Variants in ZNF577 observed in about 807,000 individuals in gnomAD.
The protein encoded by ZNF577 is zinc finger protein 577.
In ZNF577, 14 loss-of-function variants were observed where a neutral mutation model predicts 13.9. The observed-to-expected ratio is 1.00, with a 90% CI of 0.66 to 1.57. ZNF577 has a LOEUF of 1.57. Among genes scored for constraint, ZNF577 ranks in the 40% most tolerant of loss-of-function variants. The pLI is 0.00. For synonymous variants in ZNF577, 203 were observed against 202.9 expected (o/e 1.00, Z 0.00); for missense variants, 555 against 579.2 (o/e 0.96, Z 0.43).
At chr19:51,861,939 A>G (rs998954655) in intron 5 of ZNF577, 1 of 152,066 alleles carries the variant, frequency 6.6e-6, no homozygotes, top group Non-Finnish European at 1.5e-5. Context: ...GTTGACTTAC[A>G]GGACAAAACC....
At chr19:51,813,833 C>T (rs1318492245) in intron 9 of ZNF577, among the ~76,000 whole-genome samples, 2 of 152,054 alleles carry the variant, frequency 1.3e-5, no homozygotes, top group South Asian at 2.1e-4. Context: ...CGCAGCTGGC[C>T]GATGTTTTCC....
At chr19:51,857,962 C>T (rs925157979) in intron 5 of ZNF577, among the ~76,000 whole-genome samples, 3 of 151,992 alleles carry the variant, frequency 2.0e-5, no homozygotes, top group Non-Finnish European at 2.9e-5. Context: ...ATTACAGGTG[C>T]GGGCCATTGT....
intron 5 of ZNF577, among the ~76,000 whole-genome samples, chr19:51,854,817 A>T (rs367707002): frequency 6.6e-6 from 1 of 151,876 alleles, no homozygotes; most frequent in African/African-American, 2.4e-5. Flanking sequence ...GAGTCTGTTC[A>T]CTTTATGTTT....
chr19:51,883,692 T>C (rs372691890), intron 1 of ZNF577, among the ~76,000 whole-genome samples: 1 of 152,134 alleles, frequency 6.6e-6, no homozygotes, highest in East Asian at 1.9e-4. Context: ...ACCCACATCA[T>C]TTGGATCATG....
chr19:51,873,014 A>T lies in ZNF577; in HGVS notation c.976T>A (p.Tyr326Asn), dbSNP rs1002863552. The change falls in exon 6 of 6, where the codon TAT becomes AAT. Residue 326 changes from tyrosine (Y) to asparagine (N), a missense_variant. Transcript: ENST00000638348. ...GCTTTTTCACACTCACTACATTCAT[A>T]AGGTTTCTCTCCCGTATGAATCCTC... ...HQRIHTGEKPYECSECEKAFR... is the reference protein window; with the variant it reads ...HQRIHTGEKPNECSECEKAFR... 2 of 1,614,034 alleles carry T rather than the reference A, an allele frequency of 1.2e-6. No homozygotes were observed. The highest frequency in any genetic ancestry group is 2.7e-5 in the African/African-American group (2 of 74,928).
At chr19:51,806,060 C>T (rs2122425620) in intron 10 of ZNF577, among the ~76,000 whole-genome samples, 1 of 152,130 alleles carries the variant, frequency 6.6e-6, no homozygotes, top group Non-Finnish European at 1.5e-5. Flanking sequence ...TCTGAGCTGC[C>T]AAAAAGACAT....
chr19:51,834,160 A>C (rs1263155765), intron 9 of ZNF577, among the ~76,000 whole-genome samples: 1 of 152,064 alleles, frequency 6.6e-6, no homozygotes, highest in African/African-American at 2.4e-5. Context: ...GCACAATCAT[A>C]GCTCACTGCA....
chr19:51,825,141 G>T, intron 9 of ZNF577: 1 of 250,816 alleles, frequency 4.0e-6, no homozygotes, highest in African/African-American at 2.3e-5. Flanking sequence ...TTCAATCAGG[G>T]TTCCCACTAC....
chr19:51,807,109 G>T (rs917862015), intron 10 of ZNF577, among the ~76,000 whole-genome samples: 5 of 152,198 alleles, frequency 3.3e-5, no homozygotes, highest in Non-Finnish European at 7.3e-5. Flanking sequence ...AGAGATAAAA[G>T]AGTATATTTG....
intron 10 of ZNF577, among the ~76,000 whole-genome samples, chr19:51,807,729 T>C (rs376868710): frequency 6.6e-6 from 1 of 152,092 alleles, no homozygotes; most frequent in African/African-American, 2.4e-5. Context: ...TGTCTGAGAG[T>C]AGTGGTTATC....
intron 9 of ZNF577, among the ~76,000 whole-genome samples, chr19:51,820,107 A>G (rs1157952505): frequency 3.3e-5 from 5 of 152,208 alleles, no homozygotes; most frequent in Non-Finnish European, 7.3e-5. Context: ...CAAGGCCATC[A>G]GCTGAGAGTG....
intron 9 of ZNF577, among the ~76,000 whole-genome samples, chr19:51,821,794 C>A (rs1292204909): frequency 6.6e-6 from 1 of 151,348 alleles, no homozygotes; most frequent in Non-Finnish European, 1.5e-5. Flanking sequence ...AAAAAACCTA[C>A]AAAAACCCCA....
intron 9 of ZNF577, among the ~76,000 whole-genome samples, chr19:51,836,852 T>G (rs1256558232): frequency 1.3e-5 from 2 of 152,012 alleles, no homozygotes; most frequent in Non-Finnish European, 2.9e-5. Context: ...AAGACCAGCA[T>G]AGGCAACATG....
chr19:51,873,906 C>T (rs567722943), intron 5 of ZNF577, among the ~76,000 whole-genome samples, 200 bp from the exon 6 acceptor site: 50 of 152,236 alleles, frequency 3.3e-4, no homozygotes, highest in Non-Finnish European at 6.6e-4. Context: ...GGAAAAAGCA[C>T]AATATGAACA....
At chr19:51,880,008 G>C (rs2084835606) in intron 3 of ZNF577, among the ~76,000 whole-genome samples, 1 of 152,180 alleles carries the variant, frequency 6.6e-6, no homozygotes, top group Admixed American at 6.5e-5. Flanking sequence ...ATCTGGATGA[G>C]AGAATTCTTC....
chr19:51,872,722 G>A lies in ZNF577; in HGVS notation c.1268C>T (p.Pro423Leu), dbSNP rs376895478. Residue 423 changes from proline (P) to leucine (L), a missense_variant, in exon 6 of 6, where the codon CCG (proline) becomes CTG (leucine). By Grantham distance (98) the Pro-to-Leu change is moderately conservative. Transcript: ENST00000638348. ...VPIEMPSSGTPPLLNKSERLV... is the reference protein window; with the variant it reads ...VPIEMPSSGTLPLLNKSERLV... ...GCGCTCACTCTTGTTTAACAATGGC[G>A]GGGTTCCTGAGGAAGGCATTTCTAT... The A allele has an allele frequency of 6.8e-5, 110 of 1,614,158 alleles. No homozygotes were observed. Among genetic ancestry groups the A allele is most frequent in the Middle Eastern group, 1.7e-4 (1 of 6,060 alleles).
At chr19:51,874,482 T>G (rs1048211992) in intron 5 of ZNF577, among the ~76,000 whole-genome samples, 1 of 135,662 alleles carries the variant, frequency 7.4e-6, no homozygotes, top group African/African-American at 3.1e-5. Context: ...AAAACTTAGG[T>G]GTGATAAAAA....
intron 5 of ZNF577, 114 bp from the exon 6 acceptor site, chr19:51,873,820 C>G: frequency 1.2e-6 from 1 of 856,464 alleles, no homozygotes; most frequent in Non-Finnish European, 1.7e-6. Flanking sequence ...ACTTTGTTGA[C>G]ATCTTTCAAA....
In ZNF577 at chr19:51,873,553, T is replaced by G. The variant is rs149498855; in HGVS notation, c.437A>C (p.Asn146Thr). The G allele has an allele frequency of 6.2e-7, 1 of 1,614,244 alleles. No homozygotes were observed. Among genetic ancestry groups the G allele is most frequent in the South Asian group, 1.1e-5 (1 of 91,090 alleles). Residue 146 changes from asparagine (N) to threonine (T), a missense_variant, in exon 6 of 6, where the codon AAT becomes ACT. Transcript: ENST00000638348. The part of the protein sequence containing the change: ...VKPSSPKSQL[N>T]DLQKICAGGK... Reference sequence around the variant, plus strand: ...TCCTGCACAAATTTTTTGTAGGTCATTGAGCTGTGATTTAGGGCTGCTGGG... The same window carrying G: ...TCCTGCACAAATTTTTTGTAGGTCAGTGAGCTGTGATTTAGGGCTGCTGGG...
Sources: gnomAD v4.1 joint callset for allele counts (sites outside exome capture counted in the v4.1 genomes callset) on GRCh38, gnomAD v4.1.1 for gene constraint, MANE v1.5 for transcripts, NCBI Gene and HGNC (gene_info 2026-07-23, HGNC 2026-07-21) for gene names.